The following KLHL29 variants were observed in gnomAD, a reference collection of about 807,000 sequenced individuals.
KLHL29 encodes kelch like family member 29.
In KLHL29, 21 loss-of-function variants were observed where a neutral mutation model predicts 80.4. The observed-to-expected ratio is 0.26, with a 90% confidence interval of 0.19 to 0.38. The LOEUF (loss-of-function observed/expected upper bound fraction) is 0.38. Among genes scored for constraint, KLHL29 ranks in the 10% least tolerant of loss-of-function variants. The probability of loss-of-function intolerance (pLI) is 1.00; values close to 1 mark genes in which losing one functional copy is unlikely to be tolerated. For missense variants in KLHL29, 867 were observed against 1,223.9 expected (o/e 0.71, Z 4.35); for synonymous variants, 511 against 526.8 (o/e 0.97, Z 0.41).
intron 2 of KLHL29, among the ~76,000 whole-genome samples, chr2:23,529,652 G>GT (rs1365117808): frequency 1.2e-4 from 19 of 152,142 alleles, no homozygotes; most frequent in Admixed American, 3.9e-4. Context: ...GAAGAGGCGA[G>GT]TGAGGGCAGG....
intron 3 of KLHL29, among the ~76,000 whole-genome samples, chr2:23,566,350 A>G (rs1002503301): frequency 6.6e-6 from 1 of 152,228 alleles, no homozygotes; most frequent in African/African-American, 2.4e-5. Context: ...TACAGGTCAC[A>G]GTAGTGAGGC....
chr2:23,406,187 G>T (rs1237676955), intron 1 of KLHL29, among the ~76,000 whole-genome samples: 6 of 151,890 alleles, frequency 4.0e-5, no homozygotes, highest in African/African-American at 1.5e-4. Flanking sequence ...AATTAATCGG[G>T]CATGGTGGCG....
rs530614290 is a variant in KLHL29, at chr2:23,397,921, C to T, written c.-154+12141C>T. Among the ~76,000 whole-genome samples, 48 of 152,338 alleles carry T rather than the reference C, an allele frequency of 3.2e-4. 1 individual carries two copies. Among genetic ancestry groups the T allele is most frequent in the African/African-American group, 1.1e-3 (45 of 41,574 alleles). ...AAAACCACAATAAGATACCACTTCA[C>T]GTCCATTAACGTGACTATAAACAAC... On this transcript the variant is annotated intron_variant, in intron 1 of 13. Transcript: ENST00000486442.
At chr2:23,579,895 T>C (rs1040986534) in intron 3 of KLHL29, among the ~76,000 whole-genome samples, 1 of 152,192 alleles carries the variant, frequency 6.6e-6, no homozygotes, top group Non-Finnish European at 1.5e-5. Context: ...AGCTGGAGCA[T>C]GTGTGAGTGA....
chr2:23,446,564 G>A (rs1183643243), intron 1 of KLHL29, among the ~76,000 whole-genome samples: 1 of 152,150 alleles, frequency 6.6e-6, no homozygotes, highest in Non-Finnish European at 1.5e-5. Context: ...TCAGGGTACT[G>A]TGTACCAATC....
chr2:23,456,964 A>G (rs537845833), intron 1 of KLHL29, among the ~76,000 whole-genome samples: 1 of 152,284 alleles, frequency 6.6e-6, no homozygotes, highest in East Asian at 1.9e-4. Flanking sequence ...CACACAGGCC[A>G]CCGCAGAAGC....
chr2:23,453,910 T>C (rs1221155610), intron 1 of KLHL29, among the ~76,000 whole-genome samples: 1 of 152,148 alleles, frequency 6.6e-6, no homozygotes, highest in Non-Finnish European at 1.5e-5. Context: ...GGAGGAGGTT[T>C]TAGAACTGCA....
intron 1 of KLHL29, among the ~76,000 whole-genome samples, chr2:23,403,527 A>C (rs1165588108): frequency 6.6e-6 from 1 of 152,216 alleles, no homozygotes; most frequent in East Asian, 1.9e-4. Flanking sequence ...ACCTTATTGA[A>C]TGCCAGTGCC....
chr2:23,698,316 A>G (rs1426870748), intron 11 of KLHL29, among the ~76,000 whole-genome samples: 1 of 152,084 alleles, frequency 6.6e-6, no homozygotes, highest in Admixed American at 6.5e-5. Context: ...AGGCTTGAAG[A>G]CCCCTGGGCA....
Position 23,632,531 on chromosome 2 carries a change from C to A in KLHL29, c.286-6608C>A, listed in dbSNP as rs540713394. ...AAGTGAAATATCCACTCTTTGCAGG[C>A]AATGGCCTGCCCAGTGATGCCCCCC... On this transcript the variant is annotated intron_variant, in intron 3 of 13. Transcript: ENST00000486442. Among the ~76,000 whole-genome samples, 3 of 152,388 alleles carry A rather than the reference C, an allele frequency of 2.0e-5. No individual in the cohort carries two copies. The East Asian group carries it at 5.8e-4, about 29-fold the overall frequency.
At chr2:23,541,485 A>C (rs1666834086) in intron 2 of KLHL29, among the ~76,000 whole-genome samples, 1 of 152,220 alleles carries the variant, frequency 6.6e-6, no homozygotes, top group Non-Finnish European at 1.5e-5. Context: ...TCCTCAGCCA[A>C]ATCCATCTCT....
chr2:23,435,326 A>G (rs1441064279), intron 1 of KLHL29, among the ~76,000 whole-genome samples: 1 of 152,164 alleles, frequency 6.6e-6, no homozygotes, highest in African/African-American at 2.4e-5. Context: ...ACTTCTGTGC[A>G]TACAAGCGAT....
At chr2:23,483,003 C>T (rs907595048) in intron 2 of KLHL29, among the ~76,000 whole-genome samples, 10 of 152,184 alleles carry the variant, frequency 6.6e-5, no homozygotes, top group African/African-American at 9.7e-5. Flanking sequence ...ACATGATTAA[C>T]GCGATCAATT....
chr2:23,545,353 C>T (rs1666955410), intron 2 of KLHL29, among the ~76,000 whole-genome samples: 1 of 152,222 alleles, frequency 6.6e-6, no homozygotes, highest in African/African-American at 2.4e-5. Context: ...CTCAGTTTCC[C>T]CTTCTATAAA....
chr2:23,570,344 G>A (rs998113697), intron 3 of KLHL29, among the ~76,000 whole-genome samples: 3 of 152,196 alleles, frequency 2.0e-5, no homozygotes, highest in Admixed American at 1.3e-4. Context: ...GGAATGGCGC[G>A]AGGTGCACGT....
At chr2:23,499,619 A>G (rs4665601) in intron 2 of KLHL29, among the ~76,000 whole-genome samples, 12 of 152,198 alleles carry the variant, frequency 7.9e-5, no homozygotes, top group Admixed American at 7.2e-4. Flanking sequence ...TGGCTGGAAC[A>G]AGTTTGAGGC....
At chr2:23,406,083 C>G (rs1666719632) in intron 1 of KLHL29, among the ~76,000 whole-genome samples, 1 of 152,292 alleles carries the variant, frequency 6.6e-6, no homozygotes, top group Admixed American at 6.5e-5. Context: ...ACTCCTACCA[C>G]TTTGGGAGGC....
intron 5 of KLHL29, chr2:23,670,204 GA>G (rs1044398352): frequency 1.3e-5 from 2 of 152,334 alleles, no homozygotes; most frequent in Non-Finnish European, 1.5e-5. Flanking sequence ...GGGCTAACTG[GA>G]AGACAGGATT....
intron 1 of KLHL29, among the ~76,000 whole-genome samples, chr2:23,411,721 C>T (rs1314041710): frequency 3.3e-5 from 5 of 152,110 alleles, no homozygotes; most frequent in African/African-American, 1.2e-4. Flanking sequence ...TTCTCCACTT[C>T]CCAGATGTGG....
Sources: allele counts gnomAD v4.1 joint callset (sites outside exome capture counted in the v4.1 genomes callset), GRCh38; gene constraint gnomAD v4.1.1; transcripts MANE v1.5; gene names NCBI Gene and HGNC (gene_info 2026-07-23, HGNC 2026-07-21).